The following RXRA variants were observed in gnomAD, a reference collection of about 807,000 sequenced individuals.
The protein encoded by RXRA is retinoic acid receptor RXR-alpha.
RXRA carries 5 observed loss-of-function variants against 44.5 expected under a neutral mutation model. The ratio of observed to expected loss-of-function variants is 0.11; its 90% CI spans 0.06 to 0.24. The LOEUF is 0.24. Ranked by LOEUF, RXRA falls within the 10% of genes least tolerant of loss-of-function variation. The pLI is 1.00. For synonymous variants in RXRA, 291 were observed against 271.4 expected, an observed-to-expected ratio of 1.07 and a Z score of -0.71; for missense variants, 412 against 646.5, an observed-to-expected ratio of 0.64 and a Z score of 3.93.
chr9:134,408,009 G>A (rs919807354), intron 2 of RXRA, 140 bp from the exon 3 acceptor site: 2 of 597,914 alleles, frequency 3.3e-6, no homozygotes, highest in African/African-American at 1.9e-5. Context: ...CGTGGCGGGT[G>A]GGGGGCACGG....
At chr9:134,377,065 A>T (rs1267320625) in intron 1 of RXRA, among the ~76,000 whole-genome samples, 6 of 151,968 alleles carry the variant, frequency 3.9e-5, no homozygotes, top group Admixed American at 1.3e-4. Flanking sequence ...CTAGGGGCCG[A>T]CCCTGTGAGG....
chr9:134,336,424 C>T (rs1394361992), intron 1 of RXRA, among the ~76,000 whole-genome samples: 2 of 152,214 alleles, frequency 1.3e-5, no homozygotes, highest in African/African-American at 4.8e-5. Flanking sequence ...TCTTCTCTGC[C>T]ACATGGACTT....
In RXRA at chr9:134,410,708, G is replaced by A. The variant is rs866006138; in HGVS notation, c.610+1589G>A. On this transcript the variant is annotated intron_variant, in intron 4 of 9. Coordinates refer to ENST00000481739, the MANE Select transcript of RXRA (RefSeq NM_002957.6). ...GAGGCCCGAGGCGTGGCTGGAGCTG[G>A]GGGGGGAAGGCCTCGTGTGCAGCCT... 9.7e-4 allele frequency among the ~76,000 whole-genome samples: 148 copies of A among 152,296 alleles called. 1 individual carries two copies. The highest frequency in any genetic ancestry group is 3.2e-3 in the African/African-American group (134 of 41,558).
In RXRA at chr9:134,365,568, A is replaced by G. The variant is rs1386588108; in HGVS notation, c.29-36064A>G. ...GGGGCTGCACTGGGGCCTGGGTGGT[A>G]GGGGGTGATCTGCTTGTCCAGTGGT... On this transcript the variant is annotated intron_variant, in intron 1 of 9. Transcript: ENST00000481739. This position sits in a 1 kb window ranked among gnomAD's most constrained non-coding sequence, Gnocchi z 4.0. 6.6e-6 allele frequency among the ~76,000 whole-genome samples: 1 copy of G among 151,956 alleles called. No individual in the cohort carries two copies. The highest frequency in any genetic ancestry group is 1.5e-5 in the Non-Finnish European group (1 of 67,996).
At chr9:134,329,157 C>T (rs911306271) in intron 1 of RXRA, among the ~76,000 whole-genome samples, 6 of 152,184 alleles carry the variant, frequency 3.9e-5, no homozygotes, top group Admixed American at 3.3e-4. Context: ...GCTGTAGGCC[C>T]GCTGACCACT....
At chr9:134,347,114 T>G (rs1830162376) in intron 1 of RXRA, among the ~76,000 whole-genome samples, 1 of 131,706 alleles carries the variant, frequency 7.6e-6, no homozygotes. Flanking sequence ...CCTGTGGAGG[T>G]GACGGGCAAG....
intron 1 of RXRA, among the ~76,000 whole-genome samples, chr9:134,351,704 C>T (rs1260742242): frequency 1.3e-5 from 2 of 152,258 alleles, no homozygotes; most frequent in Non-Finnish European, 2.9e-5. Flanking sequence ...AAATGCCGTT[C>T]TGCGGCCCTC....
chr9:134,329,731 G>A (rs918313706), intron 1 of RXRA, among the ~76,000 whole-genome samples: 1 of 152,222 alleles, frequency 6.6e-6, no homozygotes, highest in Non-Finnish European at 1.5e-5. Context: ...GCCTGTGGGG[G>A]GCTCACCTCC....
Position 134,439,264 on chromosome 9 carries a change from A to C in RXRA, c.*2650A>C, listed in dbSNP as rs9930. ...GAAGCGGCTTCCCCGCAGGGCCCCC[A>C]CTTCCCAGTGGCTGCTTCCTGGGGA... is the stretch of plus-strand genomic sequence containing the variant. On this transcript the variant is annotated 3_prime_UTR_variant, in exon 10 of 10. Coordinates refer to ENST00000481739, the MANE Select transcript of RXRA (RefSeq NM_002957.6). The C allele has an allele frequency of 0.16, 23,997 of 145,840 alleles. 5,430 individuals carry two copies. The highest frequency in any genetic ancestry group is 0.53 in the African/African-American group (20,831 of 39,244). The allele number at this position is 145,840 out of a possible 1,614,324, so 9.0% of individuals were successfully genotyped here.
At chr9:134,421,603 C>G (rs1831332150) in intron 5 of RXRA, 73 bp from the exon 6 acceptor site, 1 of 1,487,642 alleles carries the variant, frequency 6.7e-7, no homozygotes, top group Non-Finnish European at 9.0e-7. Context: ...GTGGCAGGGC[C>G]TGGTCTGGGC....
At chr9:134,431,787 C>T (rs1340692238) in intron 7 of RXRA, 118 bp from the exon 8 acceptor site, 1 of 719,108 alleles carries the variant, frequency 1.4e-6, no homozygotes, top group Non-Finnish European at 2.3e-6. Context: ...TTGGCTTGGC[C>T]CATCTCAGCG....
chr9:134,410,155 T>C (rs1245085799), intron 4 of RXRA, among the ~76,000 whole-genome samples: 1 of 152,228 alleles, frequency 6.6e-6, no homozygotes, highest in Non-Finnish European at 1.5e-5. Flanking sequence ...GGCGCCGTGC[T>C]CCTGGAGGGT....
At chr9:134,371,066 G>T (rs1273977976) in intron 1 of RXRA, among the ~76,000 whole-genome samples, 2 of 152,154 alleles carry the variant, frequency 1.3e-5, no homozygotes, top group African/African-American at 2.4e-5. Flanking sequence ...TGGCAGGTGG[G>T]TCACCCTCGC....
At chr9:134,382,268 G>GGTGTGTGTGT (rs145989754) in intron 1 of RXRA, among the ~76,000 whole-genome samples, 11 of 149,188 alleles carry the variant, frequency 7.4e-5, no homozygotes, top group Non-Finnish European at 7.5e-5. Flanking sequence ...AGGTTTGGGT[G>GGTGTGTGTGT]GTGTGTGTGT....
intron 1 of RXRA, among the ~76,000 whole-genome samples, chr9:134,329,118 A>G (rs782207111): frequency 6.6e-5 from 10 of 152,222 alleles, no homozygotes; most frequent in Non-Finnish European, 1.2e-4. Flanking sequence ...ACCAGACCCC[A>G]TGCGCCTGTG....
chr9:134,370,230 G>A (rs910769696), intron 1 of RXRA, among the ~76,000 whole-genome samples: 2 of 152,198 alleles, frequency 1.3e-5, no homozygotes, highest in Admixed American at 6.5e-5. Context: ...TGCATGGGAC[G>A]TGGGGGAGCA....
At position 134,349,002 on chromosome 9, in the gene RXRA, A is replaced by G. The variant is rs1462247208; in HGVS notation, c.28+22343A>G. Reference sequence around the variant, plus strand: ...CTTGAGACTCGGGAGGGGCTGGCATATCCGAGACCCAGTTCTGTCACTTGC... The same window carrying G: ...CTTGAGACTCGGGAGGGGCTGGCATGTCCGAGACCCAGTTCTGTCACTTGC... On this transcript the variant is annotated intron_variant, in intron 1 of 9. Coordinates refer to ENST00000481739, the MANE Select transcript of RXRA (RefSeq NM_002957.6). This position sits in a 1 kb window ranked among gnomAD's most constrained non-coding sequence, Gnocchi z 4.3. Among the ~76,000 whole-genome samples the G allele has an allele frequency of 6.6e-6, 1 of 152,174 alleles. No homozygotes were observed. Among genetic ancestry groups the G allele is most frequent in the African/African-American group, 2.4e-5 (1 of 41,442 alleles).
chr9:134,355,944 G>T (rs1311220662), intron 1 of RXRA, among the ~76,000 whole-genome samples: 1 of 152,164 alleles, frequency 6.6e-6, no homozygotes. Context: ...AGCCCTGGGG[G>T]AGGGCAGCTG....
At chr9:134,394,228 T>C in intron 1 of RXRA, among the ~76,000 whole-genome samples, 1 of 151,510 alleles carries the variant, frequency 6.6e-6, no homozygotes, top group Non-Finnish European at 1.5e-5. Flanking sequence ...GTGATCATAG[T>C]GATGGTGGTG....
Sources: gnomAD v4.1 joint callset for allele counts (sites outside exome capture counted in the v4.1 genomes callset) on GRCh38, gnomAD v4.1.1 for gene constraint, Gnocchi (gnomAD v3.1) non-coding constraint, MANE v1.5 for transcripts, NCBI Gene and HGNC (gene_info 2026-07-23, HGNC 2026-07-21) for gene names.